STXBP5L: variants seen among roughly 807,000 people sequenced by gnomAD.
STXBP5L encodes syntaxin-binding protein 5-like.
In STXBP5L, 65 loss-of-function variants were observed where a neutral mutation model predicts 144.5. The ratio of observed to expected loss-of-function variants is 0.45; its 90% CI spans 0.37 to 0.55. STXBP5L has a LOEUF of 0.55. Ranked by LOEUF, STXBP5L falls within the 20% of genes least tolerant of loss-of-function variation. The pLI is 0.00. For missense variants in STXBP5L, 1,298 were observed against 1,405.5 expected (o/e 0.92, Z 1.22); for synonymous variants, 505 against 469.6 (o/e 1.08, Z -0.97).
At chr3:120,979,288 G>A (rs1319619698) in intron 3 of STXBP5L, among the ~76,000 whole-genome samples, 1 of 152,180 alleles carries the variant, frequency 6.6e-6, no homozygotes, top group African/African-American at 2.4e-5. Context: ...CCGCCTTGCA[G>A]TTTGATCTCA....
intron 20 of STXBP5L, among the ~76,000 whole-genome samples, chr3:121,369,829 C>T (rs775767082): frequency 6.6e-6 from 1 of 152,096 alleles, no homozygotes; most frequent in Non-Finnish European, 1.5e-5. Context: ...GGATGGTCTT[C>T]TTGTGGTCTT....
At chr3:121,353,124 G>A (rs1444810393) in intron 20 of STXBP5L, among the ~76,000 whole-genome samples, 1 of 152,190 alleles carries the variant, frequency 6.6e-6, no homozygotes, top group Non-Finnish European at 1.5e-5. Context: ...GTTCGTCAGG[G>A]ATATTGGTCT....
intron 20 of STXBP5L, among the ~76,000 whole-genome samples, chr3:121,366,776 T>C (rs1036252173): frequency 6.6e-6 from 1 of 152,036 alleles, no homozygotes; most frequent in African/African-American, 2.4e-5. Context: ...TCTGTTATTT[T>C]ATGATTTCTC....
At chr3:121,186,584 G>T (rs1234046866) in intron 9 of STXBP5L, among the ~76,000 whole-genome samples, 1 of 152,136 alleles carries the variant, frequency 6.6e-6, no homozygotes, top group African/African-American at 2.4e-5. Flanking sequence ...CTGTTTATAT[G>T]CTGGATTACA....
At chr3:121,284,900 T>C (rs338987) in intron 19 of STXBP5L, among the ~76,000 whole-genome samples, 74,392 of 151,900 alleles carry the variant, frequency 0.49, 18,674 homozygotes, top group East Asian at 0.73. Flanking sequence ...CTCTGAATGA[T>C]TGATATTGTA....
intron 2 of STXBP5L, among the ~76,000 whole-genome samples, chr3:120,917,594 A>T (rs1259647102): frequency 1.3e-5 from 2 of 151,974 alleles, no homozygotes; most frequent in Admixed American, 1.3e-4. Context: ...ACTGAGGAGG[A>T]TGAGGGGGAG....
At chr3:120,962,824 A>C (rs1378737885) in intron 3 of STXBP5L, among the ~76,000 whole-genome samples, 1 of 152,224 alleles carries the variant, frequency 6.6e-6, no homozygotes, top group Admixed American at 6.5e-5. Flanking sequence ...AGTCATTGGT[A>C]GCTTGATGGG....
chr3:121,399,337 C>T (rs1442083960), intron 22 of STXBP5L, among the ~76,000 whole-genome samples: 2 of 152,174 alleles, frequency 1.3e-5, no homozygotes, highest in Non-Finnish European at 2.9e-5. Context: ...ACCCTTCAAC[C>T]TGGATTCAAG....
intron 9 of STXBP5L, among the ~76,000 whole-genome samples, chr3:121,164,465 A>T (rs2046431875): frequency 6.6e-6 from 1 of 152,206 alleles, no homozygotes; most frequent in Non-Finnish European, 1.5e-5. Context: ...CATTATGGAA[A>T]ACTAATAGGG....
intron 11 of STXBP5L, among the ~76,000 whole-genome samples, chr3:121,233,051 G>T (rs1488515874): frequency 1.3e-5 from 2 of 152,106 alleles, no homozygotes; most frequent in African/African-American, 4.8e-5. Flanking sequence ...CCTTCAATCT[G>T]GGAGTCCATG....
chr3:121,363,718 G>A (rs2045783487), intron 20 of STXBP5L, among the ~76,000 whole-genome samples: 1 of 152,112 alleles, frequency 6.6e-6, no homozygotes, highest in Non-Finnish European at 1.5e-5. Context: ...GGTGTTATGA[G>A]TGCTCACCTG....
At chr3:121,065,821 G>A (rs6805670) in intron 5 of STXBP5L, among the ~76,000 whole-genome samples, 35,375 of 151,996 alleles carry the variant, frequency 0.23, 4,244 homozygotes, top group Non-Finnish European at 0.26. Flanking sequence ...GGTTTGACTG[G>A]GAAAGGATCT....
At chr3:120,917,277 A>C (rs1709148720) in intron 2 of STXBP5L, among the ~76,000 whole-genome samples, 1 of 152,222 alleles carries the variant, frequency 6.6e-6, no homozygotes, top group Non-Finnish European at 1.5e-5. Context: ...TATTTTCAGT[A>C]AGGTGATGGA....
intron 19 of STXBP5L, among the ~76,000 whole-genome samples, chr3:121,313,892 G>A (rs1482334160): frequency 6.9e-6 from 1 of 145,788 alleles, no homozygotes; most frequent in East Asian, 2.1e-4. Context: ...GAGCGGCCGG[G>A]CAGAGACGCT....
At chr3:121,312,767 A>G (rs919141428) in intron 19 of STXBP5L, among the ~76,000 whole-genome samples, 13 of 152,136 alleles carry the variant, frequency 8.5e-5, no homozygotes, top group African/African-American at 2.9e-4. Context: ...CAGAGAGCAC[A>G]GGGTTGGGGA....
At chr3:121,399,681 G>A (rs1051935836) in intron 22 of STXBP5L, among the ~76,000 whole-genome samples, 2 of 152,218 alleles carry the variant, frequency 1.3e-5, no homozygotes, top group Admixed American at 1.3e-4. Flanking sequence ...GCTATTGTTT[G>A]TGGCTTAAGA....
intron 9 of STXBP5L, among the ~76,000 whole-genome samples, chr3:121,172,693 G>A (rs1244894260): frequency 2.6e-5 from 4 of 152,208 alleles, no homozygotes. Context: ...AGATGCTGGA[G>A]AGGATGTGGA....
chr3:121,313,912 C>G (rs2043670821), intron 19 of STXBP5L, among the ~76,000 whole-genome samples: 1 of 147,808 alleles, frequency 6.8e-6, no homozygotes, highest in African/African-American at 2.5e-5. Context: ...TCCTCACCTC[C>G]CAGACAGGGT....
At chr3:120,943,501 A>G (rs1710675735) in intron 2 of STXBP5L, among the ~76,000 whole-genome samples, 1 of 151,722 alleles carries the variant, frequency 6.6e-6, no homozygotes, top group Non-Finnish European at 1.5e-5. Context: ...AGTATGAGGT[A>G]TATATATTTA....
Sources: gnomAD v4.1 joint callset for allele counts (sites outside exome capture counted in the v4.1 genomes callset) on GRCh38, gnomAD v4.1.1 for gene constraint, MANE v1.5 for transcripts, NCBI Gene and HGNC (gene_info 2026-07-23, HGNC 2026-07-21) for gene names.